SHANK2: variants seen among roughly 807,000 people sequenced by gnomAD.
SHANK2 encodes SH3 and multiple ankyrin repeat domains 2, also known as SH3 and multiple ankyrin repeat domains protein 2.
In SHANK2, 43 loss-of-function variants were observed where a neutral mutation model predicts 133.7. The ratio of observed to expected loss-of-function variants is 0.32; its 90% CI spans 0.25 to 0.41. The LOEUF (loss-of-function observed/expected upper bound fraction) is 0.41, where lower values mean the gene tolerates loss of function less well. Among genes scored for constraint, SHANK2 ranks in the 10% least tolerant of loss-of-function variants. The pLI is 1.00. For missense variants in SHANK2, 1,994 were observed against 2,235.8 expected (o/e 0.89, Z 2.18); for synonymous variants, 1,017 against 952.8 (o/e 1.07, Z -1.24).
At chr11:71,078,032 C>T (rs910666624) in intron 8 of SHANK2, among the ~76,000 whole-genome samples, 1 of 152,116 alleles carries the variant, frequency 6.6e-6, no homozygotes, top group African/African-American at 2.4e-5. Flanking sequence ...ATCAGCACCC[C>T]AAGCACCTGC....
intron 17 of SHANK2, among the ~76,000 whole-genome samples, chr11:70,524,430 G>C (rs189535710): frequency 7.4e-4 from 113 of 152,314 alleles, no homozygotes; most frequent in Non-Finnish European, 9.9e-4. Context: ...TATCTTTACC[G>C]GAGCAAATCG....
At position 70,787,644 on chromosome 11, in the gene SHANK2, C is replaced by CCACCAA. The variant is rs562831134; in HGVS notation, c.1777+10793_1777+10798dup. 4.5e-4 allele frequency among the ~76,000 whole-genome samples: 68 copies of CCACCAA among 151,974 alleles called. No individual in the cohort carries two copies. In the South Asian group the frequency reaches 0.014, roughly 31 times the overall value. On this transcript the variant is annotated intron_variant, in intron 14 of 25. Coordinates refer to ENST00000601538, the MANE Select transcript of SHANK2 (RefSeq NM_012309.5). ...ATCACCACGATCATCACCATGACCGCCACCAACACCACCACCACCATAAAC... is the reference window on the plus strand; with the variant it reads ...ATCACCACGATCATCACCATGACCGCCACCAACACCAACACCACCACCACCATAAAC...
intron 11 of SHANK2, among the ~76,000 whole-genome samples, chr11:70,833,604 A>G (rs1031652305): frequency 6.6e-6 from 1 of 152,226 alleles, no homozygotes; most frequent in African/African-American, 2.4e-5. Flanking sequence ...ATCCCCAAAA[A>G]CAAAGCAAGC....
chr11:70,843,640 G>C (rs1389048778), intron 11 of SHANK2, among the ~76,000 whole-genome samples: 1 of 152,000 alleles, frequency 6.6e-6, no homozygotes, highest in East Asian at 2.0e-4. Context: ...GCAGAGACAG[G>C]CTGCAGGAGG....
At chr11:70,888,931 G>T (rs538028124) in intron 11 of SHANK2, among the ~76,000 whole-genome samples, 2 of 152,226 alleles carry the variant, frequency 1.3e-5, no homozygotes, top group East Asian at 3.8e-4. Flanking sequence ...GCCCCACCAC[G>T]TGCCTAGCAC....
At chr11:71,075,553 A>G (rs921417039) in intron 8 of SHANK2, among the ~76,000 whole-genome samples, 7 of 152,078 alleles carry the variant, frequency 4.6e-5, no homozygotes, top group Non-Finnish European at 1.0e-4. Flanking sequence ...AGGGGCCCCA[A>G]AGTCCCTTCC....
At chr11:70,753,645 G>A (rs1946801937) in intron 14 of SHANK2, among the ~76,000 whole-genome samples, 1 of 152,116 alleles carries the variant, frequency 6.6e-6, no homozygotes, top group Admixed American at 6.5e-5. Flanking sequence ...TAAAAGAGAT[G>A]ATATCACTAC....
intron 12 of SHANK2, among the ~76,000 whole-genome samples, chr11:70,815,356 T>G (rs1303517241): frequency 4.6e-5 from 7 of 151,812 alleles, no homozygotes; most frequent in Non-Finnish European, 8.8e-5. Flanking sequence ...TGGGGCGTGT[T>G]CCTCTCTCTG....
chr11:70,623,087 A>G (rs2060852952), intron 17 of SHANK2, among the ~76,000 whole-genome samples: 1 of 151,952 alleles, frequency 6.6e-6, no homozygotes, highest in Non-Finnish European at 1.5e-5. Flanking sequence ...GAGGCAGGAG[A>G]ATGGCGTGAA....
At chr11:70,524,143 C>T (rs1554971656) in intron 17 of SHANK2, among the ~76,000 whole-genome samples, 1 of 152,200 alleles carries the variant, frequency 6.6e-6, no homozygotes, top group African/African-American at 2.4e-5. Context: ...GACGGGATCC[C>T]ATTTTACAGA....
rs2058600164 is a variant in SHANK2 at position 70,471,723 on chromosome 11, C to T, written c.*1146G>A. On this transcript the variant is annotated 3_prime_UTR_variant, in exon 26 of 26. Transcript: ENST00000601538. The surrounding 1 kb of genome is among the most constrained non-coding windows in gnomAD (Gnocchi z 4.1). The stretch of plus-strand genomic sequence containing the variant: ...TAGGGGAAAAGCCTCTAAGTACCAT[C>T]TTCCCTGGCCTCCGAGAGCAAAAGG... 1 of 252,002 alleles carries T rather than the reference C, an allele frequency of 4.0e-6. No homozygotes were observed. Among genetic ancestry groups the T allele is most frequent in the Non-Finnish European group, 7.5e-6 (1 of 133,426 alleles). 15.6% of individuals were successfully genotyped at this position (252,002 alleles called of 1,614,324 possible). A position where few individuals can be genotyped will look rare whatever the true frequency, so the allele number is the denominator to read the frequency against.
intron 17 of SHANK2, among the ~76,000 whole-genome samples, chr11:70,618,176 C>T (rs1431641663): frequency 6.6e-6 from 1 of 151,624 alleles, no homozygotes; most frequent in African/African-American, 2.4e-5. Context: ...CGCCTGTAAT[C>T]CCAGCTACTC....
chr11:70,753,541 T>C (rs1261767402), intron 14 of SHANK2, among the ~76,000 whole-genome samples: 3 of 152,124 alleles, frequency 2.0e-5, no homozygotes, highest in Non-Finnish European at 2.9e-5. Flanking sequence ...GAAAACTTAA[T>C]GAAGTTCAAA....
intron 3 of SHANK2, 83 bp downstream of exon 3, chr11:71,147,037 G>T: frequency 8.3e-7 from 1 of 1,209,014 alleles, no homozygotes; most frequent in Non-Finnish European, 1.1e-6. Context: ...GTGGGTCCGG[G>T]GAGGACCAGA....
intron 8 of SHANK2, among the ~76,000 whole-genome samples, chr11:71,078,569 G>A (rs2135993935): frequency 6.6e-6 from 1 of 152,296 alleles, no homozygotes; most frequent in South Asian, 2.1e-4. Context: ...GGCAGGAGGT[G>A]GGACTCAGGA....
intron 17 of SHANK2, among the ~76,000 whole-genome samples, chr11:70,515,657 A>AC (rs1318653486): frequency 6.6e-6 from 1 of 150,616 alleles, no homozygotes; most frequent in African/African-American, 2.4e-5. Context: ...AAAAAAAAAA[A>AC]AAACATTTAA....
chr11:70,941,454 A>C (rs1950646999), intron 10 of SHANK2, among the ~76,000 whole-genome samples: 1 of 152,154 alleles, frequency 6.6e-6, no homozygotes, highest in Admixed American at 6.5e-5. Flanking sequence ...CATATCTCCT[A>C]AACTTGCTGT....
At chr11:70,541,926 C>A (rs1591555950) in intron 17 of SHANK2, among the ~76,000 whole-genome samples, 1 of 152,214 alleles carries the variant, frequency 6.6e-6, no homozygotes, top group African/African-American at 2.4e-5. Flanking sequence ...AGAGCAGGAC[C>A]CATGCAAACC....
intron 17 of SHANK2, among the ~76,000 whole-genome samples, chr11:70,543,815 G>T (rs1565115506): frequency 6.6e-6 from 1 of 152,190 alleles, no homozygotes; most frequent in Non-Finnish European, 1.5e-5. Flanking sequence ...GGCCCATCTT[G>T]TGGGACTGAG....
Sources: allele counts gnomAD v4.1 joint callset (sites outside exome capture counted in the v4.1 genomes callset), GRCh38; gene constraint gnomAD v4.1.1; non-coding constraint Gnocchi (gnomAD v3.1); transcripts MANE v1.5; gene names NCBI Gene and HGNC (gene_info 2026-07-23, HGNC 2026-07-21).